The following CEP112 variants were observed in gnomAD, a reference collection of about 807,000 sequenced individuals.
The protein encoded by CEP112 is centrosomal protein of 112 kDa.
CEP112 carries 127 observed loss-of-function variants against 153.0 expected under a neutral mutation model. The observed-to-expected ratio is 0.83, with a 90% CI of 0.72 to 0.96. The LOEUF (loss-of-function observed/expected upper bound fraction) is 0.96. Ranked by LOEUF, CEP112 falls within the 40% of genes least tolerant of loss-of-function variation. The pLI, the probability that CEP112 is intolerant of heterozygous loss-of-function variation, is 0.00. For synonymous variants in CEP112, 358 were observed against 374.4 expected (o/e 0.96, Z 0.51); for missense variants, 1,089 against 1,101.2 (o/e 0.99, Z 0.16).
chr17:66,103,938 A>C (rs571423141), intron 6 of CEP112, among the ~76,000 whole-genome samples: 15 of 152,226 alleles, frequency 9.9e-5, no homozygotes, highest in African/African-American at 3.6e-4. Context: ...ATTTAGACCA[A>C]CCCTAGCCAG....
At chr17:65,957,847 T>A (rs1180274052) in intron 18 of CEP112, among the ~76,000 whole-genome samples, 1 of 152,130 alleles carries the variant, frequency 6.6e-6, no homozygotes, top group Non-Finnish European at 1.5e-5. Context: ...ACAAAATTAT[T>A]TTTACCTACA....
chr17:65,894,496 C>T (rs1317896032), intron 20 of CEP112, among the ~76,000 whole-genome samples: 1 of 151,932 alleles, frequency 6.6e-6, no homozygotes, highest in Non-Finnish European at 1.5e-5. Context: ...ATTCAGGTTC[C>T]TTTAGGAAAA....
chr17:65,897,657 C>A (rs1184917915), intron 20 of CEP112, among the ~76,000 whole-genome samples: 1 of 151,932 alleles, frequency 6.6e-6, no homozygotes, highest in East Asian at 1.9e-4. Context: ...ATAATATCTA[C>A]AAAATTATAT....
chr17:65,865,104 T>C (rs1234532412), intron 20 of CEP112, among the ~76,000 whole-genome samples: 2 of 151,996 alleles, frequency 1.3e-5, no homozygotes, highest in African/African-American at 4.8e-5. Context: ...TGCAGTGTCA[T>C]GATCTCGGCT....
At chr17:65,899,924 A>G (rs1051251849) in intron 20 of CEP112, among the ~76,000 whole-genome samples, 10 of 152,172 alleles carry the variant, frequency 6.6e-5, no homozygotes, top group African/African-American at 1.2e-4. Context: ...AAAAAGATCT[A>G]TTTTGAAAAT....
intron 11 of CEP112, among the ~76,000 whole-genome samples, chr17:66,056,194 C>G (rs1449383164): frequency 4.6e-5 from 7 of 152,178 alleles, no homozygotes; most frequent in Admixed American, 4.6e-4. Context: ...TTCCCAGCAT[C>G]CTACATATTC....
At chr17:65,828,881 T>C (rs2056959728) in intron 21 of CEP112, among the ~76,000 whole-genome samples, 1 of 152,108 alleles carries the variant, frequency 6.6e-6, no homozygotes, top group East Asian at 1.9e-4. Flanking sequence ...TTAGAGAGTT[T>C]TTTTTTTTCA....
At chr17:66,171,790 T>G (rs1278381704) in intron 4 of CEP112, among the ~76,000 whole-genome samples, 1 of 152,242 alleles carries the variant, frequency 6.6e-6, no homozygotes, top group Non-Finnish European at 1.5e-5. Flanking sequence ...TTAAAACTAT[T>G]AAATTAAAAG....
At chr17:65,920,359 C>CAAACAAAAAAAAAAA (rs1178505560) in intron 19 of CEP112, among the ~76,000 whole-genome samples, 10 of 29,826 alleles carry the variant, frequency 3.4e-4, no homozygotes, top group African/African-American at 1.3e-3. Flanking sequence ...AACAAACAAA[C>CAAACAAAAAAAAAAA]AAAATATATA....
intron 8 of CEP112, among the ~76,000 whole-genome samples, chr17:66,089,071 A>T (rs568924871): frequency 4.6e-5 from 7 of 152,146 alleles, no homozygotes; most frequent in Non-Finnish European, 8.8e-5. Flanking sequence ...CTCCAAGCTC[A>T]AACATGAGGA....
chr17:66,108,806 C>G, intron 6 of CEP112, among the ~76,000 whole-genome samples: 1 of 152,200 alleles, frequency 6.6e-6, no homozygotes, highest in East Asian at 1.9e-4. Context: ...AAAGAGATAT[C>G]TGCATGCCCA....
At chr17:66,108,899 G>A (rs533961608) in intron 6 of CEP112, among the ~76,000 whole-genome samples, 1 of 152,254 alleles carries the variant, frequency 6.6e-6, no homozygotes, top group South Asian at 2.1e-4. Flanking sequence ...AAAAGAAAAT[G>A]TGTTACTTAC....
intron 19 of CEP112, among the ~76,000 whole-genome samples, chr17:65,902,564 A>G (rs1276499519): frequency 2.0e-5 from 3 of 151,936 alleles, no homozygotes; most frequent in Non-Finnish European, 4.4e-5. Context: ...ATCTGTTGAC[A>G]CAAATGTCTG....
intron 20 of CEP112, among the ~76,000 whole-genome samples, chr17:65,857,022 C>T (rs1353516634): frequency 2.0e-5 from 3 of 152,284 alleles, no homozygotes; most frequent in East Asian, 1.9e-4. Context: ...GAAGTGAATA[C>T]TGCGATGAAG....
intron 7 of CEP112, 23 bp from the exon 8 acceptor site, chr17:66,096,351 T>G: frequency 6.2e-7 from 1 of 1,603,860 alleles, no homozygotes. Context: ...CAGGAGTTAT[T>G]TAACATGTTT....
rs533824318 is a variant in CEP112 at position 65,814,655 on chromosome 17, T to A, written c.2394+37149A>T. Among the ~76,000 whole-genome samples the A allele has an allele frequency of 7.0e-4, 107 of 152,298 alleles. 1 individual carries two copies. The highest frequency in any genetic ancestry group is 2.4e-3 in the African/African-American group (99 of 41,582). Reference sequence around the variant, plus strand: ...CTCTCCCCAAAGATAGCACAGGATGTGTCCCCTGTCAAACCCTCAGAGGAA... The same window carrying A: ...CTCTCCCCAAAGATAGCACAGGATGAGTCCCCTGTCAAACCCTCAGAGGAA... On this transcript the variant is annotated intron_variant, in intron 21 of 26. Transcript: ENST00000535342.
intron 8 of CEP112, among the ~76,000 whole-genome samples, chr17:66,076,124 G>C (rs1299637664): frequency 6.6e-6 from 1 of 152,202 alleles, no homozygotes; most frequent in Non-Finnish European, 1.5e-5. Context: ...GGCAGCTAGA[G>C]GCATAGGGGG....
In CEP112 at chr17:66,191,006, T is replaced by C. The variant is rs957925181; in HGVS notation, c.-9+991A>G. Among the ~76,000 whole-genome samples the C allele has an allele frequency of 2.0e-5, 3 of 152,172 alleles. No homozygotes were observed. Among genetic ancestry groups the C allele is most frequent in the Admixed American group, 6.5e-5 (1 of 15,278 alleles). On this transcript the variant is annotated intron_variant, in intron 1 of 26. Transcript: ENST00000535342. The surrounding 1 kb of genome is among the most constrained non-coding windows in gnomAD (Gnocchi z 4.2). ...AATTAAAAAGGATTAGAGGTGCACG[T>C]TTTCTCTGGCTTACACGTGTGGATG...
At chr17:66,005,634 G>A (rs2064241561) in intron 17 of CEP112, 56 bp downstream of exon 17, 1 of 1,561,632 alleles carries the variant, frequency 6.4e-7, no homozygotes, top group Non-Finnish European at 8.6e-7. Flanking sequence ...TACTTAATTT[G>A]GCTCACAGTT....
Sources: gnomAD v4.1 joint callset for allele counts (sites outside exome capture counted in the v4.1 genomes callset) on GRCh38, gnomAD v4.1.1 for gene constraint, Gnocchi (gnomAD v3.1) non-coding constraint, MANE v1.5 for transcripts, NCBI Gene and HGNC (gene_info 2026-07-23, HGNC 2026-07-21) for gene names.